The following TACC2 variants were observed in gnomAD, a reference collection of about 807,000 sequenced individuals.
TACC2 encodes transforming acidic coiled-coil-containing protein 2.
Under a neutral mutation model 227.3 loss-of-function variants are expected in TACC2, and 137 were observed. The ratio of observed to expected loss-of-function variants is 0.60; its 90% CI spans 0.52 to 0.69. The LOEUF is 0.69. Ranked by LOEUF, TACC2 falls within the 30% of genes least tolerant of loss-of-function variation. The pLI is 0.00. For missense variants in TACC2, 3,470 were observed against 3,694.4 expected (o/e 0.94, Z 1.57); for synonymous variants, 1,523 against 1,487.5 (o/e 1.02, Z -0.55).
At chr10:122,025,822 C>G (rs1274531477) in intron 2 of TACC2, among the ~76,000 whole-genome samples, 2 of 151,146 alleles carry the variant, frequency 1.3e-5, no homozygotes, top group African/African-American at 4.9e-5. Context: ...GATCCACCCG[C>G]CTCGGCTGCC....
intron 2 of TACC2, among the ~76,000 whole-genome samples, chr10:122,029,637 T>G (rs1958677287): frequency 6.6e-6 from 1 of 152,204 alleles, no homozygotes; most frequent in Admixed American, 6.5e-5. Flanking sequence ...CGAATGTGCC[T>G]GCTGGCTGGG....
chr10:122,040,629 G>A (rs376010173), intron 2 of TACC2, among the ~76,000 whole-genome samples: 5 of 152,016 alleles, frequency 3.3e-5, no homozygotes, highest in African/African-American at 7.2e-5. Flanking sequence ...AGCTCTGACC[G>A]TGTGGGGAGG....
chr10:122,249,724 CCAGT>C, intron 22 of TACC2, 60 bp downstream of exon 22: 1 of 1,553,982 alleles, frequency 6.4e-7, no homozygotes, highest in South Asian at 1.2e-5. Flanking sequence ...GTGCTGCTGG[CCAGT>C]CCAGCTAGAC....
At chr10:122,164,170 C>A (rs970141409) in intron 7 of TACC2, among the ~76,000 whole-genome samples, 2 of 152,194 alleles carry the variant, frequency 1.3e-5, no homozygotes, top group African/African-American at 4.8e-5. Context: ...CTGGTAGCCC[C>A]AAGTTACTGC....
chr10:122,094,670 A>G (rs891602377), intron 5 of TACC2, among the ~76,000 whole-genome samples: 2 of 152,206 alleles, frequency 1.3e-5, no homozygotes, highest in African/African-American at 4.8e-5. Flanking sequence ...CACTGTCTTC[A>G]GGTGGCTGGG....
chr10:122,066,655 G>A (rs773114766), intron 3 of TACC2, among the ~76,000 whole-genome samples: 8 of 152,090 alleles, frequency 5.3e-5, no homozygotes, highest in Admixed American at 1.3e-4. Context: ...TGCCTGCCTC[G>A]GCCTCCCAAA....
At chr10:122,041,516 G>A (rs552502952) in intron 2 of TACC2, among the ~76,000 whole-genome samples, 4 of 149,120 alleles carry the variant, frequency 2.7e-5, no homozygotes, top group African/African-American at 7.4e-5. Context: ...GCGCGATCTC[G>A]GCTCACTACA....
chr10:122,095,434 A>G (rs1426428017), intron 5 of TACC2, among the ~76,000 whole-genome samples: 1 of 152,182 alleles, frequency 6.6e-6, no homozygotes, highest in Non-Finnish European at 1.5e-5. Context: ...AGCACCTGCC[A>G]CAAGTGCTCT....
At position 122,083,216 on chromosome 10, in the gene TACC2, C is replaced by A; in HGVS notation, c.716C>A (p.Ser239Tyr). The change falls in exon 4 of 23, where the codon TCC (serine) becomes TAC (tyrosine). Residue 239 changes from serine to tyrosine, a missense_variant. Around this residue, in one of 10 missense-constraint regions of TACC2, gnomAD observed 405 missense variants for 389.6 expected, o/e 1.04. Coordinates refer to ENST00000369005, the MANE Select transcript of TACC2 (RefSeq NM_206862.4). ...EAAGGFPPAE[S>Y]RQGVASVQVT... is the part of the protein sequence containing the mutation. Reference sequence around the variant, plus strand: ...GCAGGTGGCTTTCCCCCTGCAGAGTCCAGGCAGGGGGTGGCTTCTGTGCAA... The same window carrying A: ...GCAGGTGGCTTTCCCCCTGCAGAGTACAGGCAGGGGGTGGCTTCTGTGCAA... The A allele has an allele frequency of 6.2e-7, 1 of 1,613,492 alleles. No individual in the cohort carries two copies. The highest frequency in any genetic ancestry group is 8.5e-7 in the Non-Finnish European group (1 of 1,179,984).
At chr10:122,244,905 A>C (rs746328832) in intron 19 of TACC2, among the ~76,000 whole-genome samples, 1 of 152,238 alleles carries the variant, frequency 6.6e-6, no homozygotes, top group Non-Finnish European at 1.5e-5. Context: ...TTAAGCTCAC[A>C]TAGTGACTAT....
chr10:122,232,713 C>T (rs1054398869), intron 16 of TACC2, among the ~76,000 whole-genome samples: 2 of 152,140 alleles, frequency 1.3e-5, no homozygotes, highest in Non-Finnish European at 2.9e-5. Flanking sequence ...CTACCCAGCC[C>T]GAGGGTGGTC....
intron 3 of TACC2, among the ~76,000 whole-genome samples, chr10:122,060,494 T>C (rs1008343992): frequency 1.3e-5 from 2 of 152,264 alleles, no homozygotes; most frequent in Admixed American, 1.3e-4. Context: ...TATGTTTCTG[T>C]GCTATGGCCT....
At position 122,103,807 on chromosome 10, in the gene TACC2, T is replaced by A. The variant is rs1014973735; in HGVS notation, c.5573+15216T>A. On this transcript the variant is annotated intron_variant, in intron 5 of 22. Coordinates refer to ENST00000369005, the MANE Select transcript of TACC2 (RefSeq NM_206862.4). ...CTTGTCTTGCAGGAGAGAGGAAGGA[T>A]GGAGGACGATGAGCACTGGACTGGG... Among the ~76,000 whole-genome samples the A allele has an allele frequency of 4.6e-5, 7 of 152,076 alleles. No individual in the cohort carries two copies. In the East Asian group the frequency reaches 1.3e-3, roughly 29 times the overall value.
chr10:122,101,641 G>A (rs1399175702), intron 5 of TACC2, among the ~76,000 whole-genome samples: 4 of 131,418 alleles, frequency 3.0e-5, no homozygotes, highest in Non-Finnish European at 6.3e-5. Flanking sequence ...CTCACTGCAA[G>A]CTCCGCCTCC....
intron 5 of TACC2, among the ~76,000 whole-genome samples, chr10:122,097,143 TAGTG>T (rs2081532832): frequency 6.6e-6 from 1 of 151,182 alleles, no homozygotes. Context: ...TTGGGCAACA[TAGTG>T]AGACTCCATC....
intron 5 of TACC2, among the ~76,000 whole-genome samples, chr10:122,108,442 C>CTTTTTTTTTTT (rs34097153): frequency 1.1e-5 from 1 of 90,020 alleles, no homozygotes; most frequent in Non-Finnish European, 2.0e-5. Flanking sequence ...GTCATATTTT[C>CTTTTTTTTTTT]TTTTTTTTTT....
Position 122,086,088 on chromosome 10 carries a change from A to G in TACC2, c.3588A>G (p.Pro1196=), listed in dbSNP as rs1488011536. The stretch of plus-strand genomic sequence containing the variant: ...CCAGCTGCCAGGATGCCTTGCTGCC[A>G]GCCAGAGAGCTGGGTGGGATTCCCA... ...PMASCQDALL[P]ARELGGIPRS... is the part of the protein sequence containing the mutation. Residue 1196 remains proline, a synonymous_variant, in exon 4 of 23, where the codon CCA becomes CCG. Coordinates refer to ENST00000369005, the MANE Select transcript of TACC2 (RefSeq NM_206862.4). 6.2e-7 allele frequency: 1 copy of G among 1,613,842 alleles called. No individual in the cohort carries two copies. The highest frequency in any genetic ancestry group is 8.5e-7 in the Non-Finnish European group (1 of 1,180,042).
chr10:122,189,857 A>G (rs2094347952), intron 7 of TACC2, among the ~76,000 whole-genome samples: 1 of 152,230 alleles, frequency 6.6e-6, no homozygotes, highest in Admixed American at 6.5e-5. Flanking sequence ...TCTAGCTGTC[A>G]TGAATGGGCT....
intron 1 of TACC2, among the ~76,000 whole-genome samples, chr10:122,000,081 G>A (rs1265701083): frequency 6.6e-6 from 1 of 152,170 alleles, no homozygotes; most frequent in East Asian, 1.9e-4. Context: ...GAAGTGCAAC[G>A]GGGAAATTCA....
Sources: allele counts gnomAD v4.1 joint callset (sites outside exome capture counted in the v4.1 genomes callset), GRCh38; gene constraint gnomAD v4.1.1; regional missense constraint gnomAD v4.1.1; transcripts MANE v1.5; gene names NCBI Gene and HGNC (gene_info 2026-07-23, HGNC 2026-07-21).